PAOX: variants seen among roughly 807,000 people sequenced by gnomAD.
The protein encoded by PAOX is polyamine oxidase, also known as peroxisomal N(1)-acetyl-spermine/spermidine oxidase.
In PAOX, 38 loss-of-function variants were observed where a neutral mutation model predicts 39.0. That is an observed-to-expected ratio of 0.97 (90% confidence interval 0.75 to 1.28). The LOEUF (loss-of-function observed/expected upper bound fraction) is 1.28, where lower values mean the gene tolerates loss of function less well. PAOX is among the 50% of genes most tolerant of loss of function. The pLI is 0.00. For missense variants in PAOX, 667 were observed against 685.7 expected, an observed-to-expected ratio of 0.97 and a Z score of 0.30; for synonymous variants, 311 against 314.4, an observed-to-expected ratio of 0.99 and a Z score of 0.11.
intron 2 of PAOX, among the ~76,000 whole-genome samples, chr10:133,380,823 C>A (rs564437524): frequency 5.9e-5 from 9 of 152,210 alleles, no homozygotes; most frequent in African/African-American, 2.2e-4. Context: ...ACTAAAAATA[C>A]AAAAATTAGC....
chr10:133,390,206 A>G (rs1305025625), intron 6 of PAOX, among the ~76,000 whole-genome samples: 1 of 134,934 alleles, frequency 7.4e-6, no homozygotes, highest in African/African-American at 2.9e-5. Context: ...TTTATTAAGC[A>G]TGACTCACAC....
Position 133,391,344 on chromosome 10 carries a change from T to C in PAOX, c.1425T>C (p.His475=). The change falls in exon 7 of 7, where the codon CAT becomes CAC. Residue 475 remains histidine, a synonymous_variant. Transcript: ENST00000278060. ...LQILFAGEAT[H]RTFYSTTHGA... ...TCCTGTTTGCGGGGGAAGCCACACA[T>C]CGCACGTTTTACTCCACGACGCACG... 1.3e-5 allele frequency: 21 copies of C among 1,613,550 alleles called. No homozygotes were observed. The highest frequency in any genetic ancestry group is 1.6e-5 in the Non-Finnish European group (19 of 1,180,010).
rs142593665 is a variant in PAOX, at chr10:133,379,872, A to C, written c.182-127A>C. ...ACAGGGCCCTGCCCTGGGGGACCAC[A>C]GGGCCCTTGGGGACAGTGTGGTACA... On this transcript the variant is annotated intron_variant, in intron 1 of 6. Transcript: ENST00000278060. 1.7e-3 allele frequency: 2,158 copies of C among 1,267,172 alleles called. 38 individuals are homozygous for C. In the African/African-American group the frequency reaches 0.029, roughly 17 times the overall value. 78.5% of individuals were successfully genotyped at this position (1,267,172 alleles called of 1,614,324 possible). A position where few individuals can be genotyped will look rare whatever the true frequency, so the allele number is the denominator to read the frequency against.
intron 5 of PAOX, 41 bp from the exon 6 acceptor site, chr10:133,389,549 G>T: frequency 6.2e-7 from 1 of 1,612,876 alleles, no homozygotes; most frequent in Non-Finnish European, 8.5e-7. Context: ...AGACCTGTGG[G>T]TGAGAGTTCT....
chr10:133,381,720 G>C, intron 3 of PAOX, 61 bp downstream of exon 3: 1 of 1,558,380 alleles, frequency 6.4e-7, no homozygotes, highest in Non-Finnish European at 8.8e-7. Context: ...CCCTTACCCT[G>C]CCTCAGTTGG....
chr10:133,379,759 G>T, intron 1 of PAOX: 1 of 540,722 alleles, frequency 1.8e-6, no homozygotes, highest in Non-Finnish European at 2.9e-6. Flanking sequence ...CCCCAGCCCC[G>T]GGGTACGCCC....
chr10:133,390,241 T>C (rs901107922), intron 6 of PAOX, among the ~76,000 whole-genome samples: 15 of 138,520 alleles, frequency 1.1e-4, no homozygotes, highest in Non-Finnish European at 2.0e-4. Flanking sequence ...CCTCAGGATA[T>C]TTTGGTGCCT....
At position 133,386,591 on chromosome 10, in the gene PAOX, C is replaced by T. The variant is rs375749390; in HGVS notation, c.1122-2365C>T. On this transcript the variant is annotated intron_variant, in intron 4 of 6. Transcript: ENST00000278060. Reference sequence around the variant, plus strand: ...CCGGGTTCAAGCAATTCTCCTGCCTCAGCCTCCTGAGTAGCTGGGATTACA... The same window carrying T: ...CCGGGTTCAAGCAATTCTCCTGCCTTAGCCTCCTGAGTAGCTGGGATTACA... Among the ~76,000 whole-genome samples the T allele has an allele frequency of 2.6e-5, 4 of 152,070 alleles. No individual in the cohort carries two copies. The East Asian group carries it at 7.8e-4, about 30-fold the overall frequency.
chr10:133,388,795 G>A (rs1319061466), intron 4 of PAOX, among the ~76,000 whole-genome samples, 161 bp from the exon 5 acceptor site: 1 of 152,142 alleles, frequency 6.6e-6, no homozygotes, highest in Non-Finnish European at 1.5e-5. Flanking sequence ...GCTGAGAAAC[G>A]CGGGCGGAGA....
In PAOX at chr10:133,379,467, G is replaced by A. The variant is rs1849288668; in HGVS notation, c.151G>A (p.Gly51Arg). Residue 51 changes from glycine (G) to arginine (R), a missense_variant, in exon 1 of 7, where the codon GGG becomes AGG. Gly to Arg is a moderately radical substitution (Grantham distance 125). Coordinates refer to ENST00000278060, the MANE Select transcript of PAOX (RefSeq NM_152911.4). ...LRVLEATARA[G>R]GRIRSERCFG... ...GGTCCTGGAGGCCACGGCCCGCGCCGGGGGCCGCATCCGCTCGGAGCGCTG... is the reference window on the plus strand; with the variant it reads ...GGTCCTGGAGGCCACGGCCCGCGCCAGGGGCCGCATCCGCTCGGAGCGCTG... The A allele has an allele frequency of 1.3e-5, 16 of 1,224,894 alleles. No individual in the cohort carries two copies. The highest frequency in any genetic ancestry group is 1.6e-5 in the African/African-American group (1 of 64,022). 75.9% of individuals were successfully genotyped at this position (1,224,894 alleles called of 1,614,324 possible).
At position 133,381,543 on chromosome 10, in the gene PAOX, AC is replaced by A. The variant is rs1849380004; in HGVS notation, c.753del (p.Trp252GlyfsTer19). On this transcript the variant is annotated frameshift_variant, in exon 3 of 7. Coordinates refer to ENST00000278060, the MANE Select transcript of PAOX (RefSeq NM_152911.4). LOFTEE classifies it high-confidence loss of function. ...TTTGAGAAGCCTGTGAAGACCATCC[AC>A]TGGAACGGGTCCTTCCAGGAGGCAG... Reference protein sequence around the residue: ...VVFEKPVKTIHWNGSFQEAAF... With the variant: ...VVFEKPVKTIXWNGSFQEAAF... 6.2e-7 allele frequency: 1 copy of A among 1,613,652 alleles called. No individual in the cohort carries two copies. The highest frequency in any genetic ancestry group is 1.3e-5 in the African/African-American group (1 of 74,910).
chr10:133,387,291 T>C (rs1037680763), intron 4 of PAOX, among the ~76,000 whole-genome samples: 1 of 151,960 alleles, frequency 6.6e-6, no homozygotes, highest in East Asian at 1.9e-4. Flanking sequence ...AAAAATAAAA[T>C]ATATATATAT....
At chr10:133,382,562 AC>A (rs1849416733) in intron 3 of PAOX, among the ~76,000 whole-genome samples, 1 of 152,134 alleles carries the variant, frequency 6.6e-6, no homozygotes, top group Non-Finnish European at 1.5e-5. Flanking sequence ...CAGGCGGATC[AC>A]CTGAGGTCAG....
rs142529135 is a variant in PAOX at position 133,389,642 on chromosome 10, C to T, written c.1287C>T (p.Ser429=). ...GCGTCCTGCGGTCTCGCTGGCACAG[C>T]GCCCCGTACACTAGGGGGTCCTACA... ...PKSVLRSRWH[S]APYTRGSYSY... The change falls in exon 6 of 7, where the codon AGC becomes AGT. Residue 429 remains serine (S), a synonymous_variant. Coordinates refer to ENST00000278060, the MANE Select transcript of PAOX (RefSeq NM_152911.4). The T allele has an allele frequency of 2.4e-5, 39 of 1,613,486 alleles. No homozygotes were observed. Among genetic ancestry groups the T allele is most frequent in the South Asian group, 4.4e-5 (4 of 91,084 alleles).
intron 4 of PAOX, among the ~76,000 whole-genome samples, chr10:133,388,195 G>A (rs11594614): frequency 0.85 from 129,188 of 152,200 alleles, 56,605 homozygotes; most frequent in East Asian, 0.97. Context: ...GGTTTGTTAT[G>A]TAGCTAACCG....
At position 133,379,963 on chromosome 10, in the gene PAOX, A is replaced by C. The variant is rs760986771; in HGVS notation, c.182-36A>C. ...GGGCTCGGGGTGACCCTTCTAGGAA[A>C]GGGACCTCCAGGTGGCATCTGCTGT... is the stretch of plus-strand genomic sequence containing the variant. On this transcript the variant is annotated intron_variant, in intron 1 of 6. Coordinates refer to ENST00000278060, the MANE Select transcript of PAOX (RefSeq NM_152911.4). 8 of 1,504,064 alleles carry C rather than the reference A, an allele frequency of 5.3e-6. No individual in the cohort carries two copies. The African/African-American group carries it at 9.8e-5, about 18-fold the overall frequency. 93.2% of individuals were successfully genotyped at this position (1,504,064 alleles called of 1,614,324 possible). A position where few individuals can be genotyped will look rare whatever the true frequency, so the allele number is the denominator to read the frequency against.
chr10:133,389,575 GTC>G lies in PAOX; in HGVS notation c.1235-11_1235-10del. 1 of 1,613,860 alleles carries G rather than the reference GTC, an allele frequency of 6.2e-7. No homozygotes were observed. The highest frequency in any genetic ancestry group is 8.5e-7 in the Non-Finnish European group (1 of 1,179,988). The stretch of plus-strand genomic sequence containing the variant: ...TGAGAGTTCTCGGTTAACATGCAGT[GTC>G]TCTGTGGCTCAGGAAACCCACGGCT... On this transcript the variant is annotated splice_polypyrimidine_tract_variant and intron_variant, in intron 5 of 6. Transcript: ENST00000278060.
chr10:133,387,624 A>G (rs10776676), intron 4 of PAOX, among the ~76,000 whole-genome samples: 117,252 of 152,278 alleles, frequency 0.77, 46,486 homozygotes, highest in East Asian at 0.97. Flanking sequence ...AAGACGCACC[A>G]GCCCCGCCTG....
chr10:133,389,850 C>G, intron 6 of PAOX, 103 bp downstream of exon 6: 2 of 1,253,014 alleles, frequency 1.6e-6, no homozygotes, highest in Non-Finnish European at 2.1e-6. Context: ...GGGCTGGGAT[C>G]CCAGACTCGG....
Sources: allele counts gnomAD v4.1 joint callset (sites outside exome capture counted in the v4.1 genomes callset), GRCh38; gene constraint gnomAD v4.1.1; transcripts MANE v1.5; gene names NCBI Gene and HGNC (gene_info 2026-07-23, HGNC 2026-07-21).